Variants in MTNR1B observed in about 807,000 individuals in gnomAD.
MTNR1B encodes the protein melatonin receptor 1B, also known as melatonin receptor type 1B.
MTNR1B carries 7 observed loss-of-function variants against 7.0 expected under a neutral mutation model. The ratio of observed to expected loss-of-function variants is 1.00; its 90% CI spans 0.57 to 1.88. The LOEUF (loss-of-function observed/expected upper bound fraction) is 1.88, where lower values mean the gene tolerates loss of function less well. MTNR1B is among the 40% of genes most tolerant of loss of function. The pLI is 0.00. For synonymous variants in MTNR1B, 226 were observed against 208.2 expected, an observed-to-expected ratio of 1.09 and a Z score of -0.74; for missense variants, 478 against 486.5, an observed-to-expected ratio of 0.98 and a Z score of 0.16.
chr11:92,970,198 T>C (rs1411057270), intron 1 of MTNR1B, among the ~76,000 whole-genome samples: 1 of 152,208 alleles, frequency 6.6e-6, no homozygotes, highest in Admixed American at 6.5e-5. Flanking sequence ...GGCGCGCTTT[T>C]TGGCCGGGCG....
chr11:92,982,020 C>T lies in MTNR1B; in HGVS notation c.797C>T (p.Pro266Leu), dbSNP rs775548266. The T allele has an allele frequency of 6.2e-7, 1 of 1,614,250 alleles. No individual in the cohort carries two copies. Among genetic ancestry groups the T allele is most frequent in the East Asian group, 2.2e-5 (1 of 44,878 alleles). ...VFVIFAICWA[P>L]LNCIGLAVAI... Reference sequence around the variant, plus strand: ...GTGATCTTTGCCATCTGCTGGGCTCCACTTAACTGCATCGGCCTCGCTGTG... The same window carrying T: ...GTGATCTTTGCCATCTGCTGGGCTCTACTTAACTGCATCGGCCTCGCTGTG... The change falls in exon 2 of 2, where the codon CCA (proline) becomes CTA (leucine). Residue 266 changes from proline (P) to leucine (L), a missense_variant. Coordinates refer to ENST00000257068, the MANE Select transcript of MTNR1B (RefSeq NM_005959.5).
Position 92,982,261 on chromosome 11 carries a change from G to A in MTNR1B, c.1038G>A (p.Gln346=), listed in dbSNP as rs1858124982. 2 of 1,614,176 alleles carry A rather than the reference G, an allele frequency of 1.2e-6. No homozygotes were observed. The highest frequency in any genetic ancestry group is 4.5e-5 in the East Asian group (2 of 44,882). ...ASKGSHAEGL[Q]SPAPPIIGVQ... is the part of the protein sequence containing the mutation. Reference sequence around the variant, plus strand: ...AGGGCAGCCACGCGGAGGGGCTGCAGAGCCCAGCTCCACCCATCATTGGTG... The same window carrying A: ...AGGGCAGCCACGCGGAGGGGCTGCAAAGCCCAGCTCCACCCATCATTGGTG... The change falls in exon 2 of 2, where the codon CAG becomes CAA. Residue 346 remains glutamine, a synonymous_variant. Coordinates refer to ENST00000257068, the MANE Select transcript of MTNR1B (RefSeq NM_005959.5).
At chr11:92,979,761 C>T (rs1437161006) in intron 1 of MTNR1B, among the ~76,000 whole-genome samples, 1 of 152,174 alleles carries the variant, frequency 6.6e-6, no homozygotes, top group African/African-American at 2.4e-5. Context: ...GGGGTTGACC[C>T]CATTCCTCTG....
downstream of MTNR1B, among the ~76,000 whole-genome samples, chr11:92,983,314 G>A (rs1285707856): frequency 6.6e-6 from 1 of 152,116 alleles, no homozygotes; most frequent in Non-Finnish European, 1.5e-5. Context: ...TTGAACCCAG[G>A]AGTTCAAGAC....
At position 92,981,808 on chromosome 11, in the gene MTNR1B, C is replaced by T. The variant is rs540950309; in HGVS notation, c.585C>T (p.Thr195=). The change falls in exon 2 of 2, where the codon ACC becomes ACT. Residue 195 remains threonine (T), a synonymous_variant. Transcript: ENST00000257068. ...TCTATTCCTGCACCTTCATCCAGACCGCCAGCACCCAGTACACGGCGGCAG... is the reference window on the plus strand; with the variant it reads ...TCTATTCCTGCACCTTCATCCAGACTGCCAGCACCCAGTACACGGCGGCAG... ...PRIYSCTFIQ[T]ASTQYTAAVV... 2.5e-5 allele frequency: 40 copies of T among 1,614,178 alleles called. No individual in the cohort carries two copies. The highest frequency in any genetic ancestry group is 1.6e-4 in the Middle Eastern group (1 of 6,062).
intron 1 of MTNR1B, among the ~76,000 whole-genome samples, chr11:92,980,780 G>A (rs1472882012): frequency 6.6e-6 from 1 of 152,208 alleles, no homozygotes; most frequent in Non-Finnish European, 1.5e-5. Context: ...GCTACTGCAA[G>A]TGTCTGTCAA....
chr11:92,981,322 TG>T, intron 1 of MTNR1B, 124 bp from the exon 2 acceptor site: 1 of 1,334,582 alleles, frequency 7.5e-7, no homozygotes, highest in Non-Finnish European at 1.0e-6. Flanking sequence ...TCTTCAGTTC[TG>T]TGCCTCTAAG....
chr11:92,979,505 T>C (rs558380769), intron 1 of MTNR1B, among the ~76,000 whole-genome samples: 1 of 152,328 alleles, frequency 6.6e-6, no homozygotes, highest in African/African-American at 2.4e-5. Context: ...AATCTGTGAA[T>C]AGTAGAGTAG....
downstream of MTNR1B, chr11:92,984,730 G>A (rs868548489): frequency 5.2e-5 from 19 of 363,478 alleles, no homozygotes; most frequent in Middle Eastern, 4.3e-4. Context: ...CAGTTTCCTG[G>A]GCCCATAGCT....
chr11:92,979,904 C>G (rs1182061989), intron 1 of MTNR1B, among the ~76,000 whole-genome samples: 5 of 152,004 alleles, frequency 3.3e-5, no homozygotes, highest in Non-Finnish European at 1.5e-5. Context: ...CTTTTCCTAC[C>G]CTTGTGGGTG....
chr11:92,974,764 G>A (rs866937345), intron 1 of MTNR1B, among the ~76,000 whole-genome samples: 21 of 152,230 alleles, frequency 1.4e-4, no homozygotes, highest in African/African-American at 3.9e-4. Context: ...CACCTCGCCC[G>A]GCTAATTTTT....
downstream of MTNR1B, among the ~76,000 whole-genome samples, chr11:92,984,260 C>T (rs1257809971): frequency 6.6e-6 from 1 of 152,158 alleles, no homozygotes; most frequent in African/African-American, 2.4e-5. Flanking sequence ...TGGGAGCTTG[C>T]TTAAAAATGC....
intron 1 of MTNR1B, among the ~76,000 whole-genome samples, chr11:92,971,769 A>G (rs1857927630): frequency 6.6e-6 from 1 of 152,184 alleles, no homozygotes; most frequent in African/African-American, 2.4e-5. Context: ...TGCATCCTAC[A>G]GAGGGCTGGC....
intron 1 of MTNR1B, chr11:92,972,553 G>T: frequency 2.2e-6 from 1 of 456,166 alleles, no homozygotes; most frequent in East Asian, 7.0e-5. Flanking sequence ...GTGGAGGCAA[G>T]GTGGGAGGTA....
At position 92,969,827 on chromosome 11, in the gene MTNR1B, T is replaced by G. The variant is rs1173712375; in HGVS notation, c.102T>G (p.Pro34=). 2 of 1,600,252 alleles carry G rather than the reference T, an allele frequency of 1.2e-6. No homozygotes were observed. Among genetic ancestry groups the G allele is most frequent in the Non-Finnish European group, 1.7e-6 (2 of 1,174,804 alleles). The change falls in exon 1 of 2, where the codon CCT becomes CCG. Residue 34 remains proline (P), a synonymous_variant. Coordinates refer to ENST00000257068, the MANE Select transcript of MTNR1B (RefSeq NM_005959.5). Reference sequence around the variant, plus strand: ...GCAGCGCGCGGCCCTCCAGGACCCCTCGACCTCCCTGGGTGGCTCCAGCGC... The same window carrying G: ...GCAGCGCGCGGCCCTCCAGGACCCCGCGACCTCCCTGGGTGGCTCCAGCGC... ...GAGSARPSRT[P]RPPWVAPALS...
At chr11:92,976,276 G>T (rs1391202253) in intron 1 of MTNR1B, among the ~76,000 whole-genome samples, 1 of 152,148 alleles carries the variant, frequency 6.6e-6, no homozygotes, top group African/African-American at 2.4e-5. Context: ...ATAGAGAATT[G>T]GGAAGTAAAG....
chr11:92,970,076 A>C, intron 1 of MTNR1B, 128 bp downstream of exon 1: 1 of 1,243,590 alleles, frequency 8.0e-7, no homozygotes, highest in Non-Finnish European at 1.0e-6. Flanking sequence ...CTTCACTCTA[A>C]CCTATTCCTT....
chr11:92,970,102 C>T (rs773571832), intron 1 of MTNR1B, among the ~76,000 whole-genome samples, 154 bp downstream of exon 1: 8 of 152,200 alleles, frequency 5.3e-5, no homozygotes, highest in Non-Finnish European at 7.3e-5. Flanking sequence ...TGACTCTGCA[C>T]TCAAAAGTTA....
At chr11:92,981,332 A>G in intron 1 of MTNR1B, 115 bp from the exon 2 acceptor site, 7 of 1,424,006 alleles carry the variant, frequency 4.9e-6, no homozygotes, top group Non-Finnish European at 5.7e-6. Flanking sequence ...TGTGCCTCTA[A>G]GAGCCACTTG....
Sources: gnomAD v4.1 joint callset for allele counts (sites outside exome capture counted in the v4.1 genomes callset) on GRCh38, gnomAD v4.1.1 for gene constraint, MANE v1.5 for transcripts, NCBI Gene and HGNC (gene_info 2026-07-23, HGNC 2026-07-21) for gene names.